The following IFT43 variants were observed in gnomAD, a reference collection of about 807,000 sequenced individuals.
The protein encoded by IFT43 is intraflagellar transport 43.
Under a neutral mutation model 32.3 loss-of-function variants are expected in IFT43, and 33 were observed. The observed-to-expected ratio is 1.02, with a 90% CI of 0.77 to 1.37. IFT43 has a LOEUF of 1.37. Ranked by LOEUF, IFT43 falls within the 40% of genes most tolerant of loss-of-function variation. The pLI is 0.00. For missense variants in IFT43, 274 were observed against 265.9 expected (o/e 1.03, Z -0.21); for synonymous variants, 93 against 98.2 (o/e 0.95, Z 0.31).
At chr14:76,057,751 A>G (rs1192994667) in intron 3 of IFT43, among the ~76,000 whole-genome samples, 1 of 152,178 alleles carries the variant, frequency 6.6e-6, no homozygotes, top group Non-Finnish European at 1.5e-5. Flanking sequence ...TCATGGTGCT[A>G]GATTTCTGAC....
At chr14:76,052,821 A>G (rs1445492627) in intron 3 of IFT43, among the ~76,000 whole-genome samples, 2 of 152,236 alleles carry the variant, frequency 1.3e-5, no homozygotes, top group African/African-American at 4.8e-5. Flanking sequence ...TCACAGAACA[A>G]TTAAGCCAAC....
At chr14:76,017,884 A>G (rs2036218287) in intron 2 of IFT43, among the ~76,000 whole-genome samples, 1 of 151,726 alleles carries the variant, frequency 6.6e-6, no homozygotes, top group Non-Finnish European at 1.5e-5. Context: ...TTTCTGTGGT[A>G]TCAGTTGTAA....
At chr14:76,063,911 A>T (rs1311638208) in intron 5 of IFT43, among the ~76,000 whole-genome samples, 1 of 152,208 alleles carries the variant, frequency 6.6e-6, no homozygotes, top group African/African-American at 2.4e-5. Context: ...AGTCTGCATG[A>T]ATTTAAGTAA....
intron 3 of IFT43, among the ~76,000 whole-genome samples, chr14:76,044,138 C>T (rs1008423887): frequency 6.6e-6 from 1 of 151,926 alleles, no homozygotes; most frequent in Non-Finnish European, 1.5e-5. Flanking sequence ...TAACCTCCAC[C>T]TTCCGCCCTA....
intron 2 of IFT43, among the ~76,000 whole-genome samples, chr14:75,990,678 G>A (rs61162959): frequency 0.018 from 2,758 of 152,218 alleles, 82 homozygotes; most frequent in African/African-American, 0.063. Context: ...AGTTAGGAGA[G>A]GTGATATAAA....
At chr14:76,002,223 G>A (rs1259264360) in intron 2 of IFT43, among the ~76,000 whole-genome samples, 1 of 152,142 alleles carries the variant, frequency 6.6e-6, no homozygotes, top group African/African-American at 2.4e-5. Flanking sequence ...CTCCAGCTTG[G>A]GCAACAAGGG....
At chr14:76,043,942 C>T (rs1002968689) in intron 3 of IFT43, among the ~76,000 whole-genome samples, 29 of 152,296 alleles carry the variant, frequency 1.9e-4, no homozygotes, top group African/African-American at 6.7e-4. Context: ...TTCCTATGAC[C>T]CCCTTTCCAG....
chr14:75,986,098 A>G (rs758700629), intron 1 of IFT43: 1 of 1,455,268 alleles, frequency 6.9e-7, no homozygotes, highest in African/African-American at 1.4e-5. Context: ...GACCGTGGGA[A>G]ATTTCCGAGC....
At chr14:76,071,860 C>T (rs1594862849) in intron 5 of IFT43, among the ~76,000 whole-genome samples, 1 of 152,144 alleles carries the variant, frequency 6.6e-6, no homozygotes, top group Non-Finnish European at 1.5e-5. Flanking sequence ...CAGCACACCA[C>T]AGCTGGGAAA....
intron 5 of IFT43, among the ~76,000 whole-genome samples, chr14:76,073,986 C>CAGA (rs2037369504): frequency 6.6e-6 from 1 of 152,178 alleles, no homozygotes; most frequent in Admixed American, 6.5e-5. Flanking sequence ...TGGCCTTGTG[C>CAGA]AGAGGGAGCC....
chr14:75,999,247 A>ATATAAATTCATTTTT (rs1566699239), intron 2 of IFT43, among the ~76,000 whole-genome samples: 1 of 59,580 alleles, frequency 1.7e-5, no homozygotes, highest in African/African-American at 1.8e-4. Context: ...ATATATATAT[A>ATATAAATTCATTTTT]TATATATATA....
At chr14:76,052,771 T>C (rs1241016696) in intron 3 of IFT43, among the ~76,000 whole-genome samples, 1 of 152,236 alleles carries the variant, frequency 6.6e-6, no homozygotes, top group Non-Finnish European at 1.5e-5. Context: ...TTTTTTGCCA[T>C]GATGCACACT....
chr14:76,029,851 T>TTTTTATTTTATTTTATTTTA (rs58097236), intron 3 of IFT43, among the ~76,000 whole-genome samples: 15,866 of 117,356 alleles, frequency 0.14, 1,526 homozygotes, highest in East Asian at 0.24. Flanking sequence ...TTTATTTTTA[T>TTTTTATTTTATTTTATTTTA]TTTTATTTTA....
chr14:76,039,795 G>GT (rs1037168424), intron 3 of IFT43, among the ~76,000 whole-genome samples: 95 of 152,000 alleles, frequency 6.3e-4, no homozygotes, highest in Non-Finnish European at 7.5e-4. Flanking sequence ...CTTTTAACCA[G>GT]TTTTTTTCGT....
intron 3 of IFT43, among the ~76,000 whole-genome samples, chr14:76,036,445 G>A (rs1419159705): frequency 8.9e-6 from 1 of 111,922 alleles, no homozygotes; most frequent in Non-Finnish European, 1.7e-5. Flanking sequence ...TCACTCTCTT[G>A]CCCAGCCTAT....
rs578077372 is a variant in IFT43, at chr14:76,000,820, A to C, written c.147+11843A>C. On this transcript the variant is annotated intron_variant, in intron 2 of 8. Transcript: ENST00000314067. The stretch of plus-strand genomic sequence containing the variant: ...TGTAGCTGAAAAGACTGAATGGATA[A>C]TGACATTTTTGAGACTGAGAATTTA... Among the ~76,000 whole-genome samples, 3 of 152,322 alleles carry C rather than the reference A, an allele frequency of 2.0e-5. No homozygotes were observed. The East Asian group carries it at 5.8e-4, about 29-fold the overall frequency.
intron 7 of IFT43, 177 bp from the exon 8 acceptor site, chr14:76,083,050 C>T (rs2037541912): frequency 5.2e-6 from 1 of 192,722 alleles, no homozygotes; most frequent in Non-Finnish European, 9.5e-6. Context: ...CATAGCCTTC[C>T]CTCATTTCTC....
intron 3 of IFT43, among the ~76,000 whole-genome samples, chr14:76,029,618 A>C (rs148091100): frequency 4.5e-4 from 68 of 152,226 alleles, no homozygotes; most frequent in African/African-American, 1.6e-3. Flanking sequence ...TCGTTGATCC[A>C]TCTTGAGTTA....
At chr14:76,074,068 A>G (rs946850340) in intron 5 of IFT43, among the ~76,000 whole-genome samples, 1 of 152,182 alleles carries the variant, frequency 6.6e-6, no homozygotes, top group Non-Finnish European at 1.5e-5. Flanking sequence ...TAATAAATAT[A>G]TATAAGGAAA....
Sources: allele counts gnomAD v4.1 joint callset (sites outside exome capture counted in the v4.1 genomes callset), GRCh38; gene constraint gnomAD v4.1.1; transcripts MANE v1.5; gene names NCBI Gene and HGNC (gene_info 2026-07-23, HGNC 2026-07-21).